TMEM135: variants seen among roughly 807,000 people sequenced by gnomAD.
TMEM135 encodes the protein transmembrane protein 135.
A neutral mutation model predicts 60.3 loss-of-function variants in TMEM135; 30 were observed. The observed-to-expected ratio is 0.50, with a 90% confidence interval of 0.37 to 0.68. TMEM135 has a LOEUF of 0.68. TMEM135 is among the 30% of genes least tolerant of loss of function. The pLI is 0.00. For missense variants in TMEM135, 468 were observed against 548.8 expected, an observed-to-expected ratio of 0.85 and a Z score of 1.47; for synonymous variants, 190 against 186.7, an observed-to-expected ratio of 1.02 and a Z score of -0.14.
intron 6 of TMEM135, among the ~76,000 whole-genome samples, chr11:87,259,611 C>T (rs1425931910): frequency 6.6e-6 from 1 of 152,140 alleles, no homozygotes; most frequent in Non-Finnish European, 1.5e-5. Flanking sequence ...TGTATAGTTT[C>T]AGTGAATGGG....
intron 5 of TMEM135, among the ~76,000 whole-genome samples, chr11:87,183,354 G>A (rs923441721): frequency 4.0e-5 from 6 of 151,100 alleles, no homozygotes; most frequent in Admixed American, 2.6e-4. Flanking sequence ...TGTTGGTCAG[G>A]CTGGGCTCGA....
chr11:87,044,321 G>A (rs981184833), intron 1 of TMEM135, among the ~76,000 whole-genome samples: 1 of 152,136 alleles, frequency 6.6e-6, no homozygotes, highest in Admixed American at 6.5e-5. Context: ...TTAAGGCAGT[G>A]AGTGCTTTAG....
chr11:87,261,273 T>A (rs546671027), intron 6 of TMEM135, among the ~76,000 whole-genome samples: 4 of 152,360 alleles, frequency 2.6e-5, no homozygotes, highest in African/African-American at 9.6e-5. Context: ...TATTTCCTTA[T>A]GTATATTTTG....
chr11:87,264,052 C>T lies in TMEM135; in HGVS notation c.509+27368C>T, dbSNP rs192739826. 1.4e-3 allele frequency among the ~76,000 whole-genome samples: 213 copies of T among 152,004 alleles called. 1 individual carries two copies. The highest frequency in any genetic ancestry group is 4.6e-3 in the African/African-American group (190 of 41,542). On this transcript the variant is annotated intron_variant, in intron 6 of 14. Transcript: ENST00000305494. ...TGTATATTTTGGATTTTACATATGACATAGTTTAAACTGTAGTGGAAATAT... is the reference window on the plus strand; with the variant it reads ...TGTATATTTTGGATTTTACATATGATATAGTTTAAACTGTAGTGGAAATAT...
At chr11:87,275,273 C>G (rs1489174019) in intron 6 of TMEM135, among the ~76,000 whole-genome samples, 25 of 151,932 alleles carry the variant, frequency 1.6e-4, no homozygotes, top group Non-Finnish European at 1.5e-5. Flanking sequence ...AATTTCCTTC[C>G]TTTTTTTCAA....
At chr11:87,176,456 C>A (rs476642) in intron 5 of TMEM135, among the ~76,000 whole-genome samples, 9,508 of 152,114 alleles carry the variant, frequency 0.063, 392 homozygotes, top group South Asian at 0.12. Context: ...CTCAGGTATT[C>A]CTTTTTAGTA....
chr11:87,308,093 G>C (rs1237619252), intron 9 of TMEM135, among the ~76,000 whole-genome samples: 3 of 151,936 alleles, frequency 2.0e-5, no homozygotes, highest in African/African-American at 7.3e-5. Flanking sequence ...ATAATCTTTT[G>C]TATTTGTTTA....
intron 4 of TMEM135, among the ~76,000 whole-genome samples, chr11:87,100,503 A>G (rs1409401197): frequency 6.6e-6 from 1 of 152,236 alleles, no homozygotes; most frequent in Non-Finnish European, 1.5e-5. Context: ...GGCTTATAAC[A>G]TCCAACAATA....
At chr11:87,205,166 C>T (rs955987278) in intron 5 of TMEM135, among the ~76,000 whole-genome samples, 57 of 152,140 alleles carry the variant, frequency 3.7e-4, no homozygotes, top group African/African-American at 1.3e-3. Context: ...GAAGAAGAAA[C>T]GAGAAGTGAC....
At chr11:87,231,340 A>G (rs959640640) in intron 5 of TMEM135, among the ~76,000 whole-genome samples, 5 of 152,200 alleles carry the variant, frequency 3.3e-5, no homozygotes, top group Non-Finnish European at 5.9e-5. Flanking sequence ...GCACTCAAAC[A>G]GGAATAGGAA....
chr11:87,080,834 G>A (rs887814635), intron 3 of TMEM135, among the ~76,000 whole-genome samples: 1 of 151,958 alleles, frequency 6.6e-6, no homozygotes, highest in African/African-American at 2.4e-5. Flanking sequence ...TTACAGGCAC[G>A]TGCCACCACG....
intron 5 of TMEM135, among the ~76,000 whole-genome samples, chr11:87,165,190 T>A (rs1416699023): frequency 1.2e-5 from 1 of 80,258 alleles, no homozygotes; most frequent in African/African-American, 4.8e-5. Flanking sequence ...CATAGATAGC[T>A]CTTATTATTT....
At chr11:87,168,438 A>G (rs568828731) in intron 5 of TMEM135, among the ~76,000 whole-genome samples, 1 of 152,122 alleles carries the variant, frequency 6.6e-6, no homozygotes, top group South Asian at 2.1e-4. Context: ...TTCTGTGGGC[A>G]TTTGGTGCTA....
chr11:87,271,428 A>C (rs1941860048), intron 6 of TMEM135, among the ~76,000 whole-genome samples: 1 of 152,198 alleles, frequency 6.6e-6, no homozygotes, highest in Non-Finnish European at 1.5e-5. Context: ...GATTATGTAA[A>C]ACAGCATTGT....
intron 4 of TMEM135, among the ~76,000 whole-genome samples, chr11:87,097,008 T>TG (rs915355618): frequency 2.0e-5 from 3 of 151,704 alleles, no homozygotes; most frequent in African/African-American, 7.3e-5. Context: ...CTCTTTTTTT[T>TG]TTTTTCAAGA....
intron 6 of TMEM135, among the ~76,000 whole-genome samples, chr11:87,285,155 A>G (rs1190102586): frequency 6.6e-6 from 1 of 152,242 alleles, no homozygotes; most frequent in African/African-American, 2.4e-5. Context: ...ATCAAAATGT[A>G]CAATTGTTGA....
chr11:87,260,959 G>A (rs956599194), intron 6 of TMEM135, among the ~76,000 whole-genome samples: 3 of 152,096 alleles, frequency 2.0e-5, no homozygotes, highest in Non-Finnish European at 2.9e-5. Context: ...TCTGGTCCTC[G>A]TGTCACACTC....
chr11:87,127,042 T>A (rs1193463662), intron 4 of TMEM135, among the ~76,000 whole-genome samples: 1 of 152,148 alleles, frequency 6.6e-6, no homozygotes, highest in Non-Finnish European at 1.5e-5. Flanking sequence ...AGCCCTAGCC[T>A]GGTAAAAAAC....
intron 7 of TMEM135, among the ~76,000 whole-genome samples, chr11:87,297,858 G>A (rs1197317961): frequency 2.0e-5 from 3 of 152,190 alleles, no homozygotes; most frequent in Non-Finnish European, 2.9e-5. Context: ...AATCTGCAGT[G>A]TGGTGAATTT....
Sources: allele counts gnomAD v4.1 joint callset (sites outside exome capture counted in the v4.1 genomes callset), GRCh38; gene constraint gnomAD v4.1.1; transcripts MANE v1.5; gene names NCBI Gene and HGNC (gene_info 2026-07-23, HGNC 2026-07-21).